The following TENM1 variants were observed in gnomAD, a reference collection of about 807,000 sequenced individuals.
TENM1 encodes teneurin-1.
TENM1 carries 35 observed loss-of-function variants against 174.8 expected under a neutral mutation model. The observed-to-expected ratio is 0.20, with a 90% CI of 0.15 to 0.27. The LOEUF is 0.27. Ranked by LOEUF, TENM1 falls within the 10% of genes least tolerant of loss-of-function variation. The pLI, the probability that TENM1 is intolerant of heterozygous loss-of-function variation, is 1.00. For missense variants in TENM1, 1,633 were observed against 2,130.1 expected (o/e 0.77, Z 4.59); for synonymous variants, 781 against 798.7 (o/e 0.98, Z 0.37).
Position 124,384,515 on chromosome X carries a change from C to T in TENM1, c.6416G>A (p.Arg2139His), listed in dbSNP as rs745618545. The change falls in exon 30 of 32, where the codon CGC (arginine) becomes CAC (histidine). Residue 2139 changes from arginine (R) to histidine (H), a missense_variant. Arg to His is a conservative substitution (Grantham distance 29). Transcript: ENST00000422452. The stretch of plus-strand genomic sequence containing the variant: ...TACCCTTATGTCACATATTACCATG[C>T]GGCCCACATTATCATATTGAATGGT... 76 of 1,208,384 alleles carry T rather than the reference C, an allele frequency of 6.3e-5. No individual in the cohort carries two copies. In the East Asian group the frequency reaches 1.9e-3, roughly 31 times the overall value.
At chrX:125,150,642 C>A in the TENM1 span, among the ~76,000 whole-genome samples, 1 of 112,345 alleles carries the variant, frequency 8.9e-6, no homozygotes, top group African/African-American at 3.2e-5. Context: ...CTAAATATAT[C>A]TTTAGACAAA....
intron 11 of TENM1, among the ~76,000 whole-genome samples, chrX:124,639,220 T>C (rs2050952265): frequency 8.9e-6 from 1 of 111,913 alleles, no homozygotes; most frequent in South Asian, 3.8e-4. Flanking sequence ...TCTGCACTCC[T>C]AGGCTATAGC....
At chrX:125,167,386 T>C in the TENM1 span, among the ~76,000 whole-genome samples, 2 of 111,411 alleles carry the variant, frequency 1.8e-5, no homozygotes, top group Non-Finnish European at 3.8e-5. Context: ...AACTCTTGAG[T>C]ATAAATACTC....
chrX:124,471,504 ATAATATATAG>A (rs1300201655), intron 22 of TENM1, among the ~76,000 whole-genome samples: 1 of 70,092 alleles, frequency 1.4e-5, no homozygotes, highest in Non-Finnish European at 2.4e-5. Context: ...TATATAATAT[ATAATATATAG>A]TAATATATAA....
the TENM1 span, among the ~76,000 whole-genome samples, chrX:125,168,208 C>A: frequency 3.6e-5 from 4 of 111,660 alleles, no homozygotes; most frequent in Non-Finnish European, 7.6e-5. Flanking sequence ...TCAAGAGTTA[C>A]CTAGGGCACT....
intron 11 of TENM1, among the ~76,000 whole-genome samples, chrX:124,612,162 T>C (rs929496172): frequency 1.8e-5 from 2 of 111,511 alleles, no homozygotes; most frequent in Non-Finnish European, 3.8e-5. Context: ...GGGATGCTTG[T>C]TTAGGCATAG....
At chrX:124,388,819 C>T (rs112015233) in intron 28 of TENM1, among the ~76,000 whole-genome samples, 1,426 of 112,345 alleles carry the variant, frequency 0.013, 14 homozygotes, top group African/African-American at 0.043. Context: ...CGTTCTGTCT[C>T]TCTAGGCAGC....
intron 27 of TENM1, among the ~76,000 whole-genome samples, chrX:124,394,964 T>C (rs1317017659): frequency 8.9e-6 from 1 of 112,004 alleles, no homozygotes; most frequent in African/African-American, 3.2e-5. Flanking sequence ...TTGCTGAACA[T>C]TTTTATAAGT....
the TENM1 span, among the ~76,000 whole-genome samples, chrX:124,997,978 A>G: frequency 2.7e-5 from 3 of 109,363 alleles, no homozygotes; most frequent in African/African-American, 1.0e-4. Flanking sequence ...TATTAACAAC[A>G]TCAGTTGTCC....
chrX:124,809,146 A>C (rs1232207174), intron 3 of TENM1, among the ~76,000 whole-genome samples: 1 of 111,891 alleles, frequency 8.9e-6, no homozygotes, highest in Non-Finnish European at 1.9e-5. Flanking sequence ...AGAAATACAA[A>C]GTTTCATGAT....
intron 3 of TENM1, among the ~76,000 whole-genome samples, chrX:124,886,556 G>T (rs761963483): frequency 1.7e-4 from 17 of 99,350 alleles, no homozygotes; most frequent in South Asian, 9.5e-4. Context: ...TATAGAGAGA[G>T]AGAGAGAGAG....
intron 25 of TENM1, among the ~76,000 whole-genome samples, chrX:124,419,902 C>A (rs2060632700): frequency 8.9e-6 from 1 of 112,151 alleles, no homozygotes; most frequent in South Asian, 3.8e-4. Context: ...TTTATTCATT[C>A]ATTAAACCCC....
intron 3 of TENM1, among the ~76,000 whole-genome samples, chrX:124,748,977 C>A (rs2053999868): frequency 9.0e-6 from 1 of 111,261 alleles, no homozygotes; most frequent in African/African-American, 3.3e-5. Flanking sequence ...TCAATGAAAT[C>A]TATAAAATCA....
intron 1 of TENM1, among the ~76,000 whole-genome samples, chrX:124,952,443 C>T (rs1022310369): frequency 5.5e-5 from 6 of 109,021 alleles, no homozygotes; most frequent in African/African-American, 2.0e-4. Context: ...TAAAATTCTG[C>T]ATTTCTTGTG....
chrX:125,102,185 AC>A, the TENM1 span, among the ~76,000 whole-genome samples: 1 of 106,028 alleles, frequency 9.4e-6, no homozygotes, highest in African/African-American at 3.5e-5. Flanking sequence ...CAGTTCCATC[AC>A]CCCCTAATGT....
chrX:124,538,827 T>C (rs1294934700), intron 15 of TENM1, among the ~76,000 whole-genome samples: 1 of 112,221 alleles, frequency 8.9e-6, no homozygotes, highest in African/African-American at 3.2e-5. Flanking sequence ...CTATATTTCC[T>C]TTTAAATATT....
In TENM1 at chrX:124,413,474, C is replaced by T. The variant is rs139779872; in HGVS notation, c.4982+6837G>A. On this transcript the variant is annotated intron_variant, in intron 25 of 31. Coordinates refer to ENST00000422452, the Ensembl canonical transcript of TENM1. ...GTGGATATGAGAGCCAATGTGGTTA[C>T]AGAACAGACAGAACCATCGATAGTG... Among the ~76,000 whole-genome samples, 640 of 111,762 alleles carry T rather than the reference C, an allele frequency of 5.7e-3. 6 individuals carry two copies. Among genetic ancestry groups the T allele is most frequent in the African/African-American group, 0.02 (608 of 30,732 alleles).
At chrX:124,525,334 A>G (rs953532113) in intron 16 of TENM1, among the ~76,000 whole-genome samples, 9 of 112,418 alleles carry the variant, frequency 8.0e-5, no homozygotes, top group Non-Finnish European at 1.5e-4. Context: ...GGTTTAAGAC[A>G]GAGGGTCTGA....
At chrX:125,189,713 A>G in the TENM1 span, among the ~76,000 whole-genome samples, 1 of 112,198 alleles carries the variant, frequency 8.9e-6, no homozygotes, top group African/African-American at 3.2e-5. Context: ...ATTGGAGGTG[A>G]GCAGAAGAAG....
Sources: gnomAD v4.1 joint callset for allele counts (sites outside exome capture counted in the v4.1 genomes callset) on GRCh38, gnomAD v4.1.1 for gene constraint, MANE v1.5 for transcripts, NCBI Gene and HGNC (gene_info 2026-07-23, HGNC 2026-07-21) for gene names.